AGA: variants seen among roughly 807,000 people sequenced by gnomAD.
The protein encoded by AGA is N(4)-(beta-N-acetylglucosaminyl)-L-asparaginase.
In AGA, 31 loss-of-function variants were observed where a neutral mutation model predicts 40.1. The ratio of observed to expected loss-of-function variants is 0.77; its 90% CI spans 0.58 to 1.04. The LOEUF (loss-of-function observed/expected upper bound fraction) is 1.04. Ranked by LOEUF, AGA falls within the 50% of genes least tolerant of loss-of-function variation. AGA has a pLI of 0.00. For missense variants in AGA, 445 were observed against 435.4 expected, an observed-to-expected ratio of 1.02 and a Z score of -0.20; for synonymous variants, 148 against 144.0, an observed-to-expected ratio of 1.03 and a Z score of -0.20.
intron 5 of AGA, among the ~76,000 whole-genome samples, chr4:177,436,797 C>A (rs1473322124): frequency 6.6e-6 from 1 of 152,166 alleles, no homozygotes; most frequent in Non-Finnish European, 1.5e-5. Flanking sequence ...AGGCAATTAA[C>A]ATTATTAATT....
chr4:177,439,467 CA>C, intron 3 of AGA, 108 bp downstream of exon 3: 1 of 852,448 alleles, frequency 1.2e-6, no homozygotes, highest in East Asian at 2.4e-5. Flanking sequence ...TTAAGTAAAA[CA>C]GCTGGAATTT....
In AGA at chr4:177,439,773, T is replaced by A. The variant is rs960114190; in HGVS notation, c.282-85A>T. The A allele has an allele frequency of 2.6e-5, 27 of 1,019,468 alleles. No homozygotes were observed. The East Asian group carries it at 6.4e-4, about 24-fold the overall frequency. The allele number at this position is 1,019,468 out of a possible 1,614,324, so 63.2% of individuals were successfully genotyped here. On this transcript the variant is annotated intron_variant, in intron 2 of 8. Transcript: ENST00000264595. ...AACATTGCTTTTCTCCAATCAATAG[T>A]GTTTTGCGGTTAAACTCCACCATCT...
rs746561546 is a variant in AGA at position 177,433,362 on chromosome 4, G to A, written c.807-15C>T. The A allele has an allele frequency of 2.3e-5, 37 of 1,613,782 alleles. No individual in the cohort carries two copies. Among genetic ancestry groups the A allele is most frequent in the Non-Finnish European group, 3.0e-5 (35 of 1,179,942 alleles). ...CAGCTTGGTAGCTGATTGAAACAGA[G>A]GTGAAACCTTAGTGTCTCAGAATAA... is the stretch of plus-strand genomic sequence containing the variant. On this transcript the variant is annotated splice_polypyrimidine_tract_variant and intron_variant, in intron 7 of 8. Transcript: ENST00000264595.
Position 177,437,470 on chromosome 4 carries a change from C to G in AGA, c.557G>C (p.Gly186Ala). 6.2e-7 allele frequency: 1 copy of G among 1,613,408 alleles called. No individual in the cohort carries two copies. Among genetic ancestry groups the G allele is most frequent in the Admixed American group, 1.7e-5 (1 of 60,014 alleles). The change falls in exon 5 of 9, where the codon GGT (glycine) becomes GCT (alanine). Residue 186 changes from glycine to alanine, a missense_variant. Transcript: ENST00000264595. ...GATAGGAATATCCTGCTTTAAGATACCAGGTGGTTTGTAGGGTCCGCAGTA... is the reference window on the plus strand; with the variant it reads ...GATAGGAATATCCTGCTTTAAGATAGCAGGTGGTTTGTAGGGTCCGCAGTA... Reference protein sequence around the residue: ...SKYCGPYKPPGILKQDIPIHK... With the variant: ...SKYCGPYKPPAILKQDIPIHK...
chr4:177,440,386 T>G lies in AGA; in HGVS notation c.168A>C (p.Ala56=), dbSNP rs2111021852. 1 of 1,614,120 alleles carries G rather than the reference T, an allele frequency of 6.2e-7. No homozygotes were observed. Among genetic ancestry groups the G allele is most frequent in the Non-Finnish European group, 8.5e-7 (1 of 1,180,046 alleles). Residue 56 remains alanine, a synonymous_variant, in exon 2 of 9, where the codon GCA becomes GCC. Transcript: ENST00000264595. ...ALASGGSALD[A]VESGCAMCER... Reference sequence around the variant, plus strand: ...CACACATGGCACAGCCGCTCTCCACTGCATCCAGGGCAGAGCCTCCAGATG... The same window carrying G: ...CACACATGGCACAGCCGCTCTCCACGGCATCCAGGGCAGAGCCTCCAGATG...
Position 177,431,643 on chromosome 4 carries a change from G to A in AGA, c.*65C>T. The A allele has an allele frequency of 7.5e-7, 1 of 1,333,170 alleles. No homozygotes were observed. Among genetic ancestry groups the A allele is most frequent in the Non-Finnish European group, 1.1e-6 (1 of 932,316 alleles). The allele number at this position is 1,333,170 out of a possible 1,614,324, so 82.6% of individuals were successfully genotyped here. Reference sequence around the variant, plus strand: ...ACATGAGGAACACTAGATGATGAGAGTGAGCAGCCTTTTCAGCCTTTGTTT... The same window carrying A: ...ACATGAGGAACACTAGATGATGAGAATGAGCAGCCTTTTCAGCCTTTGTTT... On this transcript the variant is annotated 3_prime_UTR_variant, in exon 9 of 9. Transcript: ENST00000264595.
At position 177,439,979 on chromosome 4, in the gene AGA, A is replaced by G. The variant is rs895568651; in HGVS notation, c.282-291T>C. Reference sequence around the variant, plus strand: ...GGGCCTGAAGGCTTCAGGTCAGGCAAACCACAGCATTTGTGGACAGCAGAT... The same window carrying G: ...GGGCCTGAAGGCTTCAGGTCAGGCAGACCACAGCATTTGTGGACAGCAGAT... On this transcript the variant is annotated intron_variant, in intron 2 of 8. Coordinates refer to ENST00000264595, the MANE Select transcript of AGA (RefSeq NM_000027.4). 5.1e-6 allele frequency: 3 copies of G among 583,726 alleles called. No individual in the cohort carries two copies. The Admixed American group carries it at 9.0e-5, about 18-fold the overall frequency. The allele number at this position is 583,726 out of a possible 1,614,324, so 36.2% of individuals were successfully genotyped here. A position where few individuals can be genotyped will look rare whatever the true frequency, so the allele number is the denominator to read the frequency against.
At chr4:177,433,382 GAATA>G in intron 7 of AGA, 35 bp from the exon 8 acceptor site, 1 of 1,613,326 alleles carries the variant, frequency 6.2e-7, no homozygotes, top group African/African-American at 1.3e-5. Flanking sequence ...TAGTGTCTCA[GAATA>G]AATACTAACT....
At position 177,433,064 on chromosome 4, in the gene AGA, T is replaced by G. The variant is rs571134055; in HGVS notation, c.940+150A>C. The G allele has an allele frequency of 4.4e-6, 5 of 1,125,512 alleles. No individual in the cohort carries two copies. The African/African-American group carries it at 4.7e-5, about 11-fold the overall frequency. 69.7% of individuals were successfully genotyped at this position (1,125,512 alleles called of 1,614,324 possible). On this transcript the variant is annotated intron_variant, in intron 8 of 8. Transcript: ENST00000264595. ...GGTATATTTTTAACGCTGTGGGTCT[T>G]GAGATCATCAATGAACATTTACTCA...
Position 177,439,558 on chromosome 4 carries a change from G to C in AGA, c.394+18C>G, listed in dbSNP as rs201586120. The C allele has an allele frequency of 7.7e-6, 12 of 1,554,974 alleles. No individual in the cohort carries two copies. The East Asian group carries it at 2.5e-4, about 32-fold the overall frequency. The stretch of plus-strand genomic sequence containing the variant: ...AGTCAAAAGACTAGAAAAAATTTCA[G>C]TGTAGTTAAAAAAATACCTGACTCT... On this transcript the variant is annotated intron_variant, in intron 3 of 8. Transcript: ENST00000264595.
rs753954478 is a variant in AGA, at chr4:177,442,397, G to A, written c.-22C>T. The A allele has an allele frequency of 4.3e-6, 7 of 1,613,872 alleles. No homozygotes were observed. In the South Asian group the frequency reaches 6.6e-5, roughly 15 times the overall value. The stretch of plus-strand genomic sequence containing the variant: ...CCATCCCTGACCACCGAAGAGACCA[G>A]CGCGAGAAAAGTCCCGGCAGCCAGC... On this transcript the variant is annotated 5_prime_UTR_variant, in exon 1 of 9. Transcript: ENST00000264595.
chr4:177,439,084 A>G (rs371738342), intron 3 of AGA, among the ~76,000 whole-genome samples: 1 of 152,118 alleles, frequency 6.6e-6, no homozygotes, highest in Non-Finnish European at 1.5e-5. Context: ...GGCATGCATT[A>G]TAAGAGTTCT....
chr4:177,436,966 G>A, intron 5 of AGA: 1 of 227,666 alleles, frequency 4.4e-6, no homozygotes, highest in Non-Finnish European at 8.7e-6. Flanking sequence ...AGATGCCAGT[G>A]CCCTGTTCTT....
intron 4 of AGA, among the ~76,000 whole-genome samples, 178 bp downstream of exon 4, chr4:177,438,567 T>C (rs919793916): frequency 6.6e-6 from 1 of 152,156 alleles, no homozygotes; most frequent in Non-Finnish European, 1.5e-5. Context: ...ATGCACCCAA[T>C]GCAGCTAGAG....
At chr4:177,442,119 G>A in intron 1 of AGA, 130 bp downstream of exon 1, 1 of 1,378,424 alleles carries the variant, frequency 7.3e-7, no homozygotes, top group Non-Finnish European at 9.9e-7. Flanking sequence ...CTAGAGGGCG[G>A]GACCGCGAGG....
Position 177,431,554 on chromosome 4 carries a change from T to A in AGA, c.*154A>T. ...TAAAAATAGATAATACAATTTCAGA[T>A]ATAGAAAGTGCCAATTCAACATAAA... is the stretch of plus-strand genomic sequence containing the variant. On this transcript the variant is annotated 3_prime_UTR_variant, in exon 9 of 9. Transcript: ENST00000264595. 2.8e-6 allele frequency: 2 copies of A among 703,524 alleles called. No homozygotes were observed. Among genetic ancestry groups the A allele is most frequent in the Non-Finnish European group, 5.1e-6 (2 of 389,568 alleles). The allele number at this position is 703,524 out of a possible 1,614,324, so 43.6% of individuals were successfully genotyped here.
chr4:177,439,076 C>T (rs1201211043), intron 3 of AGA, among the ~76,000 whole-genome samples: 1 of 152,104 alleles, frequency 6.6e-6, no homozygotes, highest in Admixed American at 6.5e-5. Flanking sequence ...ACCTTTGGGG[C>T]ATGCATTATA....
In AGA at chr4:177,431,765, G is replaced by T; in HGVS notation, c.984C>A (p.Phe328Leu). Reference sequence around the variant, plus strand: ...GATTTTTTTCGGAATTATAAACCATGAAACTAAACTGAGTAAATGTTGAAA... The same window carrying T: ...GATTTTTTTCGGAATTATAAACCATTAAACTAAACTGAGTAAATGTTGAAA... ...NKLSTFTQFS[F>L]MVYNSEKNQP... Residue 328 changes from phenylalanine to leucine, a missense_variant, in exon 9 of 9, where the codon TTC (phenylalanine) becomes TTA (leucine). By Grantham distance (22) the Phe-to-Leu change is conservative. Transcript: ENST00000264595. The T allele has an allele frequency of 6.2e-7, 1 of 1,613,876 alleles. No individual in the cohort carries two copies. Among genetic ancestry groups the T allele is most frequent in the Non-Finnish European group, 8.5e-7 (1 of 1,179,846 alleles).
chr4:177,437,667 A>C lies in AGA; in HGVS notation c.508-148T>G. ...AGAATTAAAAGCTAAGAAATCACTA[A>C]GTCTTATATAAAAACAAATAAGATA... On this transcript the variant is annotated intron_variant, in intron 4 of 8. Transcript: ENST00000264595. 4.7e-6 allele frequency: 3 copies of C among 637,486 alleles called. No individual in the cohort carries two copies. In the South Asian group the frequency reaches 5.4e-5, roughly 12 times the overall value. The allele number at this position is 637,486 out of a possible 1,614,324, so 39.5% of individuals were successfully genotyped here.
Sources: allele counts gnomAD v4.1 joint callset (sites outside exome capture counted in the v4.1 genomes callset), GRCh38; gene constraint gnomAD v4.1.1; transcripts MANE v1.5; gene names NCBI Gene and HGNC (gene_info 2026-07-23, HGNC 2026-07-21).